MCC: variants seen among roughly 807,000 people sequenced by gnomAD.
The protein encoded by MCC is MCC regulator of Wnt signaling pathway, also known as colorectal mutant cancer protein.
A neutral mutation model predicts 116.2 loss-of-function variants in MCC; 90 were observed. That is an observed-to-expected ratio of 0.77 (90% CI 0.65 to 0.92). The LOEUF is 0.92. MCC is among the 40% of genes least tolerant of loss of function. The pLI is 0.00. For synonymous variants in MCC, 578 were observed against 510.5 expected, an observed-to-expected ratio of 1.13 and a Z score of -1.78; for missense variants, 1,516 against 1,312.2, an observed-to-expected ratio of 1.16 and a Z score of -2.40.
chr5:113,204,193 T>G (rs889557987), intron 3 of MCC, among the ~76,000 whole-genome samples: 1 of 152,128 alleles, frequency 6.6e-6, no homozygotes, highest in African/African-American at 2.4e-5. Context: ...TCATCAGCAT[T>G]ATGGGCAAGA....
At chr5:113,031,963 G>A (rs1750982240) in intron 17 of MCC, among the ~76,000 whole-genome samples, 1 of 152,208 alleles carries the variant, frequency 6.6e-6, no homozygotes, top group Non-Finnish European at 1.5e-5. Flanking sequence ...GGAGTGAACC[G>A]CTGGGAGAAA....
chr5:113,064,135 T>A lies in MCC; in HGVS notation c.2062A>T (p.Met688Leu). The A allele has an allele frequency of 6.2e-7, 1 of 1,613,594 alleles. No individual in the cohort carries two copies. Among genetic ancestry groups the A allele is most frequent in the Non-Finnish European group, 8.5e-7 (1 of 1,179,696 alleles). ...DQSGDENITQ[M>L]LKRAHDCRKT... ...CGGCAGTCATGAGCTCGCTTGAGCA[T>A]CTGAGTGATGTTTTCATCCCCCGAC... is the stretch of plus-strand genomic sequence containing the variant. The change falls in exon 14 of 19, where the codon ATG (methionine) becomes TTG (leucine). Residue 688 changes from methionine (M) to leucine (L), a missense_variant. Met to Leu is a conservative substitution (Grantham distance 15). Coordinates refer to ENST00000408903, the MANE Select transcript of MCC (RefSeq NM_001085377.2).
At chr5:113,393,358 C>G (rs537311736) in intron 1 of MCC, among the ~76,000 whole-genome samples, 1 of 152,176 alleles carries the variant, frequency 6.6e-6, no homozygotes, top group African/African-American at 2.4e-5. Flanking sequence ...TGGTCTGAGG[C>G]TATAGTTGGA....
At chr5:113,193,835 T>C (rs536475852) in intron 3 of MCC, among the ~76,000 whole-genome samples, 2 of 152,286 alleles carry the variant, frequency 1.3e-5, no homozygotes, top group Non-Finnish European at 2.9e-5. Context: ...GAATGCTACA[T>C]ATACACCTAG....
chr5:113,425,656 GAAGA>G (rs1169486907), intron 1 of MCC, among the ~76,000 whole-genome samples: 1 of 152,172 alleles, frequency 6.6e-6, no homozygotes, highest in African/African-American at 2.4e-5. Context: ...AAGAAAACTT[GAAGA>G]AACAGTAATA....
intron 4 of MCC, among the ~76,000 whole-genome samples, chr5:113,148,593 T>TTCTACAA (rs1320250802): frequency 6.6e-6 from 1 of 152,244 alleles, no homozygotes; most frequent in African/African-American, 2.4e-5. Flanking sequence ...GAATTTGCTC[T>TTCTACAA]TCTACAATCT....
chr5:113,101,253 G>A (rs2150254563), intron 8 of MCC, among the ~76,000 whole-genome samples: 3 of 151,802 alleles, frequency 2.0e-5, no homozygotes, highest in Middle Eastern at 6.8e-3. Flanking sequence ...ACAAGATATG[G>A]CTATTTTAAC....
At chr5:113,119,350 A>G (rs1351984986) in intron 6 of MCC, among the ~76,000 whole-genome samples, 2 of 152,090 alleles carry the variant, frequency 1.3e-5, no homozygotes, top group Admixed American at 6.5e-5. Flanking sequence ...AGAGTGAGGG[A>G]TGAGGCATGA....
chr5:113,218,108 G>A (rs1410739679), intron 3 of MCC, among the ~76,000 whole-genome samples: 2 of 131,860 alleles, frequency 1.5e-5, no homozygotes, highest in African/African-American at 3.4e-5. Context: ...GTGGGGGTGA[G>A]GTGGGAAACT....
chr5:113,066,254 G>T (rs1342536083), intron 13 of MCC, among the ~76,000 whole-genome samples: 2 of 152,172 alleles, frequency 1.3e-5, no homozygotes, highest in South Asian at 4.1e-4. Context: ...AACAGGTTAA[G>T]ACACTCCGCT....
At chr5:113,111,296 G>A (rs1478049965) in intron 6 of MCC, among the ~76,000 whole-genome samples, 3 of 152,170 alleles carry the variant, frequency 2.0e-5, no homozygotes, top group Non-Finnish European at 4.4e-5. Context: ...ATGGCTGTGT[G>A]GTTTATCTTT....
At chr5:113,032,605 A>C (rs1367060062) in intron 17 of MCC, among the ~76,000 whole-genome samples, 1 of 152,176 alleles carries the variant, frequency 6.6e-6, no homozygotes, top group Admixed American at 6.5e-5. Flanking sequence ...GCTCTAGACC[A>C]ATTGTTTAAT....
intron 3 of MCC, among the ~76,000 whole-genome samples, chr5:113,198,813 T>C (rs61623201): frequency 0.063 from 9,483 of 151,226 alleles, 889 homozygotes; most frequent in African/African-American, 0.2. Flanking sequence ...CTGGGCTGGG[T>C]TGGGAGGCGG....
In MCC at chr5:113,339,214, G is replaced by A. The variant is rs78386516; in HGVS notation, c.627+1305C>T. Among the ~76,000 whole-genome samples, 11 of 144,330 alleles carry A rather than the reference G, an allele frequency of 7.6e-5. No homozygotes were observed. In the East Asian group the frequency reaches 1.4e-3, roughly 18 times the overall value. 94.7% of individuals were successfully genotyped at this position (144,330 alleles called of 152,430 possible). On this transcript the variant is annotated intron_variant, in intron 3 of 18. Coordinates refer to ENST00000408903, the MANE Select transcript of MCC (RefSeq NM_001085377.2). Reference sequence around the variant, plus strand: ...GCACTCCAGCCTGGGCAACAAGAGCGAAACTCCATCTCAAAAAAAAAAACA... The same window carrying A: ...GCACTCCAGCCTGGGCAACAAGAGCAAAACTCCATCTCAAAAAAAAAAACA...
chr5:113,330,384 C>T (rs1316143152), intron 3 of MCC, among the ~76,000 whole-genome samples: 1 of 152,102 alleles, frequency 6.6e-6, no homozygotes, highest in Non-Finnish European at 1.5e-5. Flanking sequence ...CCTTTTTTCT[C>T]CCTCATTCTT....
intron 1 of MCC, among the ~76,000 whole-genome samples, chr5:113,464,602 C>T (rs1224104078): frequency 1.1e-5 from 1 of 87,952 alleles, no homozygotes; most frequent in Admixed American, 1.5e-4. Context: ...TCTAACATAT[C>T]ATGCTTTGTT....
intron 5 of MCC, among the ~76,000 whole-genome samples, chr5:113,126,569 T>C (rs1758064515): frequency 6.6e-6 from 1 of 152,228 alleles, no homozygotes; most frequent in African/African-American, 2.4e-5. Flanking sequence ...AGATGAATCG[T>C]ATAGCCTAGA....
At chr5:113,125,460 G>T (rs964132261) in intron 5 of MCC, among the ~76,000 whole-genome samples, 6 of 152,126 alleles carry the variant, frequency 3.9e-5, no homozygotes, top group Non-Finnish European at 8.8e-5. Context: ...TTAAATATTA[G>T]AAAGTTCATG....
rs532400121 is a variant in MCC, at chr5:113,240,359, C to T, written c.628-88937G>A. ...TTATTATTTAAACTAATTTGAAGTC[C>T]GTTTCTAAACTTTCCACTGAAATAA... is the stretch of plus-strand genomic sequence containing the variant. On this transcript the variant is annotated intron_variant, in intron 3 of 18. Transcript: ENST00000408903. Among the ~76,000 whole-genome samples, 6 of 152,250 alleles carry T rather than the reference C, an allele frequency of 3.9e-5. No individual in the cohort carries two copies. The South Asian group carries it at 1.0e-3, about 26-fold the overall frequency.
Sources: allele counts gnomAD v4.1 joint callset (sites outside exome capture counted in the v4.1 genomes callset), GRCh38; gene constraint gnomAD v4.1.1; transcripts MANE v1.5; gene names NCBI Gene and HGNC (gene_info 2026-07-23, HGNC 2026-07-21).